The following ITM2B variants were observed in gnomAD, a reference collection of about 807,000 sequenced individuals.
The protein encoded by ITM2B is integral membrane protein 2B, also known as ABri/ADan amyloid peptide.
In ITM2B, 11 loss-of-function variants were observed where a neutral mutation model predicts 27.8. The observed-to-expected ratio is 0.40, with a 90% CI of 0.25 to 0.66. The LOEUF (loss-of-function observed/expected upper bound fraction) is 0.66. ITM2B is among the 30% of genes least tolerant of loss of function. ITM2B has a pLI of 0.43. For synonymous variants in ITM2B, 114 were observed against 114.3 expected, an observed-to-expected ratio of 1.00 and a Z score of 0.02; for missense variants, 296 against 328.9, an observed-to-expected ratio of 0.90 and a Z score of 0.77.
intron 5 of ITM2B, among the ~76,000 whole-genome samples, chr13:48,259,866 A>G (rs1951811785): frequency 1.3e-5 from 2 of 151,650 alleles, no homozygotes; most frequent in Admixed American, 1.3e-4. Context: ...TTTTTTTATT[A>G]TACTTTAAGT....
intron 1 of ITM2B, among the ~76,000 whole-genome samples, chr13:48,247,829 A>G (rs1426906255): frequency 6.6e-6 from 1 of 152,164 alleles, no homozygotes; most frequent in Admixed American, 6.5e-5. Context: ...TTCTATATCT[A>G]CTGTTGCAAG....
In ITM2B at chr13:48,233,427, G is replaced by T; in HGVS notation, c.67G>T (p.Gly23Cys). The change falls in exon 1 of 6, where the codon GGC becomes TGC. Residue 23 changes from glycine (G) to cysteine (C), a missense_variant. Transcript: ENST00000647800. ...KEAKKDEPKS[G>C]EEALIIPPDA... is the part of the protein sequence containing the mutation. ...GGCCAAGAAGGACGAGCCCAAGAGC[G>T]GCGAGGAGGCGCTCATCATCCCCCC... 6.5e-7 allele frequency: 1 copy of T among 1,546,020 alleles called. No homozygotes were observed. The highest frequency in any genetic ancestry group is 8.7e-7 in the Non-Finnish European group (1 of 1,148,090).
Position 48,233,209 on chromosome 13 carries a change from A to C in ITM2B, c.-152A>C, listed in dbSNP as rs1005614518. ...GAGGCTGCGAGATCCCTACCGCAGTAGCCGCCTCTGCCGCCGCGGAGCTTC... is the reference window on the plus strand; with the variant it reads ...GAGGCTGCGAGATCCCTACCGCAGTCGCCGCCTCTGCCGCCGCGGAGCTTC... On this transcript the variant is annotated 5_prime_UTR_variant, in exon 1 of 6. Coordinates refer to ENST00000647800, the MANE Select transcript of ITM2B (RefSeq NM_021999.5). The C allele has an allele frequency of 2.1e-6, 1 of 474,106 alleles. No homozygotes were observed. Among genetic ancestry groups the C allele is most frequent in the Non-Finnish European group, 3.7e-6 (1 of 270,844 alleles). 29.4% of individuals were successfully genotyped at this position (474,106 alleles called of 1,614,324 possible). A position where few individuals can be genotyped will look rare whatever the true frequency, so the allele number is the denominator to read the frequency against.
At chr13:48,258,696 C>A in intron 4 of ITM2B, 101 bp from the exon 5 acceptor site, 3 of 1,085,682 alleles carry the variant, frequency 2.8e-6, no homozygotes, top group Non-Finnish European at 4.2e-6. Context: ...AGTTTGGCAA[C>A]CTGTTCCATA....
intron 5 of ITM2B, among the ~76,000 whole-genome samples, chr13:48,259,515 AT>A (rs946193711): frequency 6.6e-6 from 1 of 152,214 alleles, no homozygotes; most frequent in Non-Finnish European, 1.5e-5. Flanking sequence ...CATTGTGAAA[AT>A]AAAAAGAAAG....
Position 48,233,482 on chromosome 13 carries a change from G to T in ITM2B, c.117+5G>T. ...GCCGTCGCGGTGGACTGCAAGGTCC[G>T]AGCCCGGGGAGGTCGAGGAAGCGGG... is the stretch of plus-strand genomic sequence containing the variant. On this transcript the variant is annotated splice_donor_5th_base_variant and intron_variant, in intron 1 of 5. Coordinates refer to ENST00000647800, the MANE Select transcript of ITM2B (RefSeq NM_021999.5). 1 of 1,509,328 alleles carries T rather than the reference G, an allele frequency of 6.6e-7. No individual in the cohort carries two copies. Among genetic ancestry groups the T allele is most frequent in the Non-Finnish European group, 8.9e-7 (1 of 1,125,580 alleles). 93.5% of individuals were successfully genotyped at this position (1,509,328 alleles called of 1,614,324 possible). A position where few individuals can be genotyped will look rare whatever the true frequency, so the allele number is the denominator to read the frequency against.
chr13:48,253,145 G>T lies in ITM2B; in HGVS notation c.118-663G>T, dbSNP rs189903268. Reference sequence around the variant, plus strand: ...TTTTCTACTGCTTCTATCTTTAAAAGAAAGTGAAGAATTTTATCAGACCAT... The same window carrying T: ...TTTTCTACTGCTTCTATCTTTAAAATAAAGTGAAGAATTTTATCAGACCAT... On this transcript the variant is annotated intron_variant, in intron 1 of 5. Coordinates refer to ENST00000647800, the MANE Select transcript of ITM2B (RefSeq NM_021999.5). Among the ~76,000 whole-genome samples the T allele has an allele frequency of 6.3e-3, 963 of 152,196 alleles. 13 individuals carry two copies. Among genetic ancestry groups the T allele is most frequent in the African/African-American group, 0.021 (871 of 41,516 alleles).
At chr13:48,261,031 A>C in intron 5 of ITM2B, 108 bp from the exon 6 acceptor site, 1 of 751,704 alleles carries the variant, frequency 1.3e-6, no homozygotes, top group Non-Finnish European at 2.3e-6. Flanking sequence ...TTTTTGTGGA[A>C]TATAGAGTGA....
intron 1 of ITM2B, among the ~76,000 whole-genome samples, chr13:48,242,085 A>C (rs1951702581): frequency 6.6e-6 from 1 of 152,138 alleles, no homozygotes; most frequent in Non-Finnish European, 1.5e-5. Context: ...GCTTTTTCTG[A>C]ATATTTACAC....
At position 48,258,941 on chromosome 13, in the gene ITM2B, A is replaced by G. The variant is rs1252604012; in HGVS notation, c.709A>G (p.Ile237Val). ...ETYKLQRRET[I>V]KGIQKREASN... ...TTACAAACTGCAACGCAGAGAAACT[A>G]TTAAAGGTAATACTTTTTAAATATT... Residue 237 changes from isoleucine (I) to valine (V), a missense_variant, in exon 5 of 6, where the codon ATT (isoleucine) becomes GTT (valine). Ile to Val is a conservative substitution (Grantham distance 29). Coordinates refer to ENST00000647800, the MANE Select transcript of ITM2B (RefSeq NM_021999.5). The G allele has an allele frequency of 1.9e-6, 3 of 1,611,728 alleles. No individual in the cohort carries two copies. The highest frequency in any genetic ancestry group is 1.7e-5 in the Admixed American group (1 of 59,836).
chr13:48,268,141 T>G lies in ITM2B; in HGVS notation c.*6917T>G, dbSNP rs1332854213. ...ATTCTTGAACTTTATTTGAATGGAA[T>G]CGTACATATATAATCTTTTTGTTTG... is the stretch of plus-strand genomic sequence containing the variant. On this transcript the variant is annotated 3_prime_UTR_variant, in exon 6 of 6. Coordinates refer to ENST00000647800, the MANE Select transcript of ITM2B (RefSeq NM_021999.5). 1 of 152,182 alleles carries G rather than the reference T, an allele frequency of 6.6e-6. No individual in the cohort carries two copies. Among genetic ancestry groups the G allele is most frequent in the Non-Finnish European group, 1.5e-5 (1 of 68,028 alleles). The allele number at this position is 152,182 out of a possible 1,614,324, so 9.4% of individuals were successfully genotyped here.
intron 5 of ITM2B, among the ~76,000 whole-genome samples, chr13:48,260,240 G>T (rs1306136864): frequency 6.6e-6 from 1 of 152,100 alleles, no homozygotes; most frequent in East Asian, 1.9e-4. Context: ...TCTTAATCCA[G>T]TCTATCTTTG....
At chr13:48,254,444 CAT>C (rs951139300) in intron 2 of ITM2B, among the ~76,000 whole-genome samples, 23 of 152,190 alleles carry the variant, frequency 1.5e-4, no homozygotes, top group African/African-American at 4.6e-4. Flanking sequence ...ATTGAAATAA[CAT>C]AGGATGAAAG....
rs1951645870 is a variant in ITM2B at position 48,233,304 on chromosome 13, C to T, written c.-57C>T. The T allele has an allele frequency of 5.2e-6, 6 of 1,159,812 alleles. No homozygotes were observed. The highest frequency in any genetic ancestry group is 7.3e-6 in the Non-Finnish European group (6 of 817,294). 71.8% of individuals were successfully genotyped at this position (1,159,812 alleles called of 1,614,324 possible). ...TAGAGGCTGCAATCGCAGCCGGGAG[C>T]CCGCAGCCCGCGCCCCGAGCCCGCC... On this transcript the variant is annotated 5_prime_UTR_variant, in exon 1 of 6. Coordinates refer to ENST00000647800, the MANE Select transcript of ITM2B (RefSeq NM_021999.5).
At chr13:48,241,343 C>G (rs1951699113) in intron 1 of ITM2B, among the ~76,000 whole-genome samples, 1 of 152,176 alleles carries the variant, frequency 6.6e-6, no homozygotes, top group African/African-American at 2.4e-5. Flanking sequence ...TCCCGAGTAG[C>G]TGGGATTACA....
intron 1 of ITM2B, among the ~76,000 whole-genome samples, chr13:48,244,208 C>T (rs1241883888): frequency 1.3e-5 from 2 of 152,120 alleles, no homozygotes; most frequent in African/African-American, 4.8e-5. Flanking sequence ...TGCTAAACAC[C>T]CCAGCTTTCA....
rs1046585995 is a variant in ITM2B at position 48,254,040 on chromosome 13, ATC to A, written c.246+106_246+107del. 1.8e-5 allele frequency: 20 copies of A among 1,092,610 alleles called. No homozygotes were observed. The African/African-American group carries it at 3.1e-4, about 17-fold the overall frequency. The allele number at this position is 1,092,610 out of a possible 1,614,324, so 67.7% of individuals were successfully genotyped here. On this transcript the variant is annotated intron_variant, in intron 2 of 5. Coordinates refer to ENST00000647800, the MANE Select transcript of ITM2B (RefSeq NM_021999.5). ...AACTTGCGCTAAGCTTGTACTTTTT[ATC>A]TGTGACCTTCAGCCAGAGTGGTAGT...
chr13:48,254,384 T>G (rs916636700), intron 2 of ITM2B, among the ~76,000 whole-genome samples: 7 of 152,306 alleles, frequency 4.6e-5, no homozygotes, highest in African/African-American at 1.2e-4. Context: ...TGTCTCTGCT[T>G]CTTTTCCAGT....
At chr13:48,261,084 A>G in intron 5 of ITM2B, 55 bp from the exon 6 acceptor site, 1 of 1,096,508 alleles carries the variant, frequency 9.1e-7, no homozygotes, top group East Asian at 2.6e-5. Flanking sequence ...AAATGATGTG[A>G]ATATTTATTA....
Sources: allele counts gnomAD v4.1 joint callset (sites outside exome capture counted in the v4.1 genomes callset), GRCh38; gene constraint gnomAD v4.1.1; transcripts MANE v1.5; gene names NCBI Gene and HGNC (gene_info 2026-07-23, HGNC 2026-07-21).